Variants in NOL4 observed in about 807,000 individuals in gnomAD.
NOL4 encodes the protein cancer/testis antigen 125.
A neutral mutation model predicts 75.9 loss-of-function variants in NOL4; 17 were observed. The observed-to-expected ratio is 0.22, with a 90% confidence interval of 0.15 to 0.34. The LOEUF is 0.34. NOL4 is among the 10% of genes least tolerant of loss of function. The probability of loss-of-function intolerance (pLI) is 1.00; values close to 1 mark genes in which losing one functional copy is unlikely to be tolerated. For synonymous variants in NOL4, 292 were observed against 289.9 expected (o/e 1.01, Z -0.07); for missense variants, 614 against 793.5 (o/e 0.77, Z 2.72).
chr18:33,970,412 C>A (rs1293988940), intron 6 of NOL4, among the ~76,000 whole-genome samples: 1 of 152,020 alleles, frequency 6.6e-6, no homozygotes, highest in Non-Finnish European at 1.5e-5. Flanking sequence ...TTTGTTGAAT[C>A]TTTGACATAC....
At chr18:33,905,449 T>C (rs1280023525) in intron 9 of NOL4, among the ~76,000 whole-genome samples, 1 of 152,144 alleles carries the variant, frequency 6.6e-6, no homozygotes, top group Non-Finnish European at 1.5e-5. Flanking sequence ...ACAGTGGGCA[T>C]ATGAGCTCTT....
At chr18:34,112,574 A>T (rs973688132) in intron 2 of NOL4, among the ~76,000 whole-genome samples, 2 of 152,166 alleles carry the variant, frequency 1.3e-5, no homozygotes, top group African/African-American at 4.8e-5. Context: ...ATGAACCTGG[A>T]GATTATTATG....
chr18:33,852,791 A>G lies in NOL4; in HGVS notation c.*51T>C, dbSNP rs1396390612. On this transcript the variant is annotated 3_prime_UTR_variant, in exon 11 of 11. Coordinates refer to ENST00000261592, the MANE Select transcript of NOL4 (RefSeq NM_003787.5). ...ATCTCTGTTGGGAAATCAAAATGTC[A>G]TTAGTGGAAACTGCAAATTTAGACC... 2.7e-6 allele frequency: 4 copies of G among 1,495,076 alleles called. No individual in the cohort carries two copies. The highest frequency in any genetic ancestry group is 1.4e-5 in the African/African-American group (1 of 72,472). 92.6% of individuals were successfully genotyped at this position (1,495,076 alleles called of 1,614,324 possible).
chr18:34,124,002 G>C (rs749558822), intron 2 of NOL4, among the ~76,000 whole-genome samples: 10 of 151,950 alleles, frequency 6.6e-5, no homozygotes, highest in South Asian at 4.1e-4. Context: ...TTTGAACTTG[G>C]AATAGTTCAT....
chr18:34,135,725 A>G (rs567100355), intron 1 of NOL4, among the ~76,000 whole-genome samples: 1 of 122,318 alleles, frequency 8.2e-6, no homozygotes, highest in East Asian at 2.6e-4. Flanking sequence ...TTTCACACAC[A>G]GAAGCAGCCC....
At position 33,883,276 on chromosome 18, in the gene NOL4, C is replaced by A. The variant is rs1002588160; in HGVS notation, c.1691G>T (p.Gly564Val). The stretch of plus-strand genomic sequence containing the variant: ...GGAAGCATCATTCAGATTTAGCAGA[C>A]CCCCTCCTAGCCCTCTGTAACTATG... Reference protein sequence around the residue: ...SYHSYRGLGGGLLNLNDASSS... With the variant: ...SYHSYRGLGGVLLNLNDASSS... Residue 564 changes from glycine (G) to valine (V), a missense_variant, in exon 10 of 11, where the codon GGT becomes GTT. Around this residue, in one of 9 missense-constraint regions of NOL4, gnomAD observed 128 missense variants for 159.9 expected, o/e 0.80. Coordinates refer to ENST00000261592, the MANE Select transcript of NOL4 (RefSeq NM_003787.5). 7 of 1,606,652 alleles carry A rather than the reference C, an allele frequency of 4.4e-6. No homozygotes were observed. The highest frequency in any genetic ancestry group is 5.1e-6 in the Non-Finnish European group (6 of 1,177,316).
intron 6 of NOL4, among the ~76,000 whole-genome samples, chr18:33,986,132 A>C (rs1320917424): frequency 6.6e-6 from 1 of 152,152 alleles, no homozygotes; most frequent in Non-Finnish European, 1.5e-5. Context: ...TATGTAAATC[A>C]ACAAGTACTT....
At chr18:34,200,537 C>A (rs993673791) in intron 1 of NOL4, among the ~76,000 whole-genome samples, 1 of 151,496 alleles carries the variant, frequency 6.6e-6, no homozygotes, top group African/African-American at 2.4e-5. Context: ...CTTCATATGG[C>A]AAAACAAAAA....
chr18:33,910,970 A>T (rs66517261), intron 9 of NOL4, among the ~76,000 whole-genome samples: 2 of 152,030 alleles, frequency 1.3e-5, no homozygotes, highest in African/African-American at 4.8e-5. Context: ...GCCACACAGC[A>T]TCATTCTTTA....
At chr18:34,059,072 AC>A (rs1344526725) in intron 5 of NOL4, among the ~76,000 whole-genome samples, 2 of 148,794 alleles carry the variant, frequency 1.3e-5, no homozygotes, top group East Asian at 2.0e-4. Flanking sequence ...CTTTATCATG[AC>A]AAAAAATGTT....
intron 4 of NOL4, among the ~76,000 whole-genome samples, chr18:34,096,353 G>A (rs1010868454): frequency 1.3e-5 from 2 of 151,954 alleles, no homozygotes; most frequent in Non-Finnish European, 2.9e-5. Context: ...TTTGTTAAGA[G>A]CTTTAATGAG....
chr18:33,924,711 C>G (rs1022134036), intron 9 of NOL4, among the ~76,000 whole-genome samples: 1 of 152,138 alleles, frequency 6.6e-6, no homozygotes, highest in African/African-American at 2.4e-5. Context: ...CAAAAGACAT[C>G]TGGAGGCCAT....
At chr18:33,913,384 T>C (rs1170063886) in intron 9 of NOL4, among the ~76,000 whole-genome samples, 2 of 152,148 alleles carry the variant, frequency 1.3e-5, no homozygotes, top group African/African-American at 2.4e-5. Flanking sequence ...CTAGTTAGAT[T>C]AATCCAATCA....
chr18:33,962,127 G>C (rs1600069933), intron 6 of NOL4, among the ~76,000 whole-genome samples: 1 of 152,094 alleles, frequency 6.6e-6, no homozygotes, highest in Admixed American at 6.6e-5. Context: ...GCAGAGCTAA[G>C]GAGCATAGAG....
intron 9 of NOL4, among the ~76,000 whole-genome samples, chr18:33,905,820 G>T (rs1478271578): frequency 2.0e-5 from 3 of 152,128 alleles, no homozygotes; most frequent in African/African-American, 4.8e-5. Context: ...CCTACAAGGG[G>T]AATATTTCCT....
intron 2 of NOL4, among the ~76,000 whole-genome samples, chr18:34,117,070 C>T (rs920989710): frequency 6.6e-6 from 1 of 152,230 alleles, no homozygotes; most frequent in African/African-American, 2.4e-5. Flanking sequence ...ATTACATGGA[C>T]GAAAATGTCA....
intron 6 of NOL4, among the ~76,000 whole-genome samples, chr18:33,974,559 G>T (rs996576776): frequency 6.6e-6 from 1 of 152,072 alleles, no homozygotes; most frequent in African/African-American, 2.4e-5. Flanking sequence ...GAAGTTTGTG[G>T]TGATCAAAAA....
At chr18:34,203,026 A>C (rs1409406495) in intron 1 of NOL4, among the ~76,000 whole-genome samples, 1 of 152,068 alleles carries the variant, frequency 6.6e-6, no homozygotes, top group African/African-American at 2.4e-5. Context: ...CCAAAGCTGA[A>C]ATCAGACCAG....
chr18:33,888,044 A>G (rs2064869273), intron 9 of NOL4, among the ~76,000 whole-genome samples: 1 of 152,166 alleles, frequency 6.6e-6, no homozygotes, highest in African/African-American at 2.4e-5. Context: ...GAACAGCTTA[A>G]AAGTGTTCCT....
Sources: allele counts gnomAD v4.1 joint callset (sites outside exome capture counted in the v4.1 genomes callset), GRCh38; gene constraint gnomAD v4.1.1; regional missense constraint gnomAD v4.1.1; transcripts MANE v1.5; gene names NCBI Gene and HGNC (gene_info 2026-07-23, HGNC 2026-07-21).